ZNF704: variants seen among roughly 807,000 people sequenced by gnomAD.
ZNF704 encodes the protein zinc finger protein 704, also known as glucocorticoid induced gene 1.
In ZNF704, 10 loss-of-function variants were observed where a neutral mutation model predicts 44.7. That is an observed-to-expected ratio of 0.22 (90% confidence interval 0.14 to 0.38). The LOEUF is 0.38. Among genes scored for constraint, ZNF704 ranks in the 10% least tolerant of loss-of-function variants. ZNF704 has a pLI of 1.00. For missense variants in ZNF704, 390 were observed against 545.5 expected (o/e 0.71, Z 2.84); for synonymous variants, 211 against 207.6 (o/e 1.02, Z -0.14).
intron 5 of ZNF704, among the ~76,000 whole-genome samples, chr8:80,669,361 CA>C (rs1196328139): frequency 6.6e-6 from 1 of 152,088 alleles, no homozygotes; most frequent in Non-Finnish European, 1.5e-5. Context: ...TGAGGTATTT[CA>C]ATTGGTATTT....
intron 2 of ZNF704, among the ~76,000 whole-genome samples, chr8:80,737,422 C>T (rs1255866618): frequency 1.3e-5 from 2 of 152,190 alleles, no homozygotes; most frequent in South Asian, 2.1e-4. Flanking sequence ...AACCTAGTCC[C>T]TTACCCTGTG....
intron 4 of ZNF704, among the ~76,000 whole-genome samples, chr8:80,674,181 G>A (rs945088241): frequency 1.3e-5 from 2 of 152,136 alleles, no homozygotes; most frequent in Admixed American, 1.3e-4. Context: ...TGACCTCCTT[G>A]GGCCAGTGAT....
chr8:80,882,109 C>T, the ZNF704 span, among the ~76,000 whole-genome samples: 7 of 152,008 alleles, frequency 4.6e-5, no homozygotes, highest in Non-Finnish European at 1.0e-4. Flanking sequence ...TATTATATAC[C>T]TTTTGGATTC....
At chr8:80,745,107 T>C (rs1208784670) in intron 2 of ZNF704, among the ~76,000 whole-genome samples, 1 of 152,226 alleles carries the variant, frequency 6.6e-6, no homozygotes, top group Non-Finnish European at 1.5e-5. Flanking sequence ...CTTCTATTCC[T>C]ACAACCTCCT....
At chr8:80,873,478 G>A (rs1193636918) in intron 1 of ZNF704, 1 of 151,678 alleles carries the variant, frequency 6.6e-6, no homozygotes, top group Non-Finnish European at 1.5e-5. Flanking sequence ...CCTTGCCCCG[G>A]GGCCCGGGCC....
At chr8:80,702,229 G>A (rs1052059177) in intron 2 of ZNF704, among the ~76,000 whole-genome samples, 2 of 152,146 alleles carry the variant, frequency 1.3e-5, no homozygotes, top group African/African-American at 2.4e-5. Flanking sequence ...TGGGGCTGGG[G>A]AAGCTGATGC....
chr8:80,837,376 A>T (rs1170752366), intron 1 of ZNF704, among the ~76,000 whole-genome samples: 3 of 152,106 alleles, frequency 2.0e-5, no homozygotes, highest in Non-Finnish European at 4.4e-5. Flanking sequence ...TTTATTTTTA[A>T]ATTATGGGAC....
chr8:80,770,783 C>A (rs1586015257), intron 2 of ZNF704, among the ~76,000 whole-genome samples: 1 of 152,090 alleles, frequency 6.6e-6, no homozygotes, highest in South Asian at 2.1e-4. Flanking sequence ...GCCCTGAGTT[C>A]TAAAGATTTT....
chr8:80,868,885 T>C (rs1380374374), intron 1 of ZNF704, among the ~76,000 whole-genome samples: 1 of 152,122 alleles, frequency 6.6e-6, no homozygotes, highest in Non-Finnish European at 1.5e-5. Context: ...CAACAATAAT[T>C]CCATCTCTTT....
At chr8:80,710,451 C>T (rs1412116462) in intron 2 of ZNF704, among the ~76,000 whole-genome samples, 1 of 151,938 alleles carries the variant, frequency 6.6e-6, no homozygotes, top group Non-Finnish European at 1.5e-5. Flanking sequence ...GGATTTCCAC[C>T]CAGGCAGCTG....
intron 2 of ZNF704, among the ~76,000 whole-genome samples, chr8:80,784,814 C>G (rs1807588740): frequency 6.6e-6 from 1 of 151,782 alleles, no homozygotes; most frequent in Admixed American, 6.6e-5. Context: ...AAGGTCATCA[C>G]CATACCCAAG....
intron 1 of ZNF704, among the ~76,000 whole-genome samples, chr8:80,873,913 C>T (rs1365673994): frequency 1.4e-5 from 2 of 146,094 alleles, no homozygotes; most frequent in African/African-American, 4.9e-5. Context: ...GGGCCGGGCC[C>T]GGGACAGGGG....
At chr8:80,784,252 A>T (rs988428378) in intron 2 of ZNF704, among the ~76,000 whole-genome samples, 1 of 152,224 alleles carries the variant, frequency 6.6e-6, no homozygotes, top group Non-Finnish European at 1.5e-5. Flanking sequence ...TGGTGTGGAT[A>T]TAAGTTTTTA....
At chr8:80,712,791 C>G (rs1334709665) in intron 2 of ZNF704, among the ~76,000 whole-genome samples, 1 of 151,766 alleles carries the variant, frequency 6.6e-6, no homozygotes, top group African/African-American at 2.4e-5. Context: ...GAGTGAAACT[C>G]TGTGTCAAAA....
chr8:80,728,363 A>G (rs766695603), intron 2 of ZNF704, among the ~76,000 whole-genome samples: 2 of 152,196 alleles, frequency 1.3e-5, no homozygotes, highest in Non-Finnish European at 2.9e-5. Context: ...GGCAATGTTT[A>G]ATAACTCAAA....
chr8:80,695,038 AT>A (rs1818703996), intron 2 of ZNF704, among the ~76,000 whole-genome samples: 1 of 152,222 alleles, frequency 6.6e-6, no homozygotes, highest in African/African-American at 2.4e-5. Context: ...CCATTTAAAG[AT>A]TTTACAGTAT....
rs61050547 is a variant in ZNF704 at position 80,680,363 on chromosome 8, A to ATT, written c.558+6861_558+6862dup. On this transcript the variant is annotated intron_variant, in intron 4 of 8. Transcript: ENST00000327835. ...GAGGTGACTAAAAGGATCTTCAGGT[A>ATT]TTTTTTTTTTTTTTGTATTGTGACT... Among the ~76,000 whole-genome samples the ATT allele has an allele frequency of 6.1e-3, 864 of 142,328 alleles. 9 individuals carry two copies. The highest frequency in any genetic ancestry group is 0.021 in the African/African-American group (836 of 39,340). 93.4% of individuals were successfully genotyped at this position (142,328 alleles called of 152,430 possible).
chr8:80,705,307 C>G (rs1232497636), intron 2 of ZNF704, among the ~76,000 whole-genome samples: 1 of 151,958 alleles, frequency 6.6e-6, no homozygotes. Context: ...GTGTGTATAT[C>G]TGCGTCTATG....
intron 2 of ZNF704, among the ~76,000 whole-genome samples, chr8:80,737,983 T>C (rs1010733975): frequency 6.6e-6 from 1 of 152,208 alleles, no homozygotes; most frequent in African/African-American, 2.4e-5. Context: ...TGGAACAGTT[T>C]CTCAGTTTTT....
Sources: allele counts gnomAD v4.1 joint callset (sites outside exome capture counted in the v4.1 genomes callset), GRCh38; gene constraint gnomAD v4.1.1; transcripts MANE v1.5; gene names NCBI Gene and HGNC (gene_info 2026-07-23, HGNC 2026-07-21).